Variants in ROBO1 observed in about 807,000 individuals in gnomAD.
ROBO1 encodes roundabout homolog 1.
Under a neutral mutation model 195.9 loss-of-function variants are expected in ROBO1, and 149 were observed. That is an observed-to-expected ratio of 0.76 (90% CI 0.67 to 0.87). The LOEUF is 0.87. Among genes scored for constraint, ROBO1 ranks in the 40% least tolerant of loss-of-function variants. ROBO1 has a pLI of 0.00. For missense variants in ROBO1, 1,933 were observed against 2,068.3 expected, an observed-to-expected ratio of 0.93 and a Z score of 1.27; for synonymous variants, 816 against 733.2, an observed-to-expected ratio of 1.11 and a Z score of -1.82.
At position 79,384,750 on chromosome 3, in the gene ROBO1, G is replaced by GCA. The variant is rs530276057; in HGVS notation, c.88+205072_88+205073dup. 4.6e-5 allele frequency among the ~76,000 whole-genome samples: 7 copies of GCA among 152,018 alleles called. No individual in the cohort carries two copies. In the East Asian group the frequency reaches 5.8e-4, roughly 13 times the overall value. On this transcript the variant is annotated intron_variant, in intron 2 of 30. Coordinates refer to ENST00000464233, the MANE Select transcript of ROBO1 (RefSeq NM_002941.4). ...GGAAGTTAAACGTATACACACATAA[G>GCA]CACACACACGTTTTTAAAAGTATCT...
intron 4 of ROBO1, among the ~76,000 whole-genome samples, chr3:78,816,305 C>T (rs2084901388): frequency 6.6e-6 from 1 of 151,986 alleles, no homozygotes; most frequent in Non-Finnish European, 1.5e-5. Flanking sequence ...TTGAGACCTA[C>T]TATGCAAAAA....
At chr3:78,884,653 AAGG>A (rs879569596) in intron 4 of ROBO1, among the ~76,000 whole-genome samples, 34,489 of 94,476 alleles carry the variant, frequency 0.37, 4,872 homozygotes, top group Middle Eastern at 0.41. Context: ...GAAAGAAAGG[AAGG>A]AAGGAAGGAA....
At chr3:79,417,740 T>C (rs2038063440) in intron 2 of ROBO1, among the ~76,000 whole-genome samples, 1 of 152,154 alleles carries the variant, frequency 6.6e-6, no homozygotes, top group Admixed American at 6.6e-5. Context: ...AATGTATTAT[T>C]ATGGGGGACA....
At chr3:78,650,382 C>G (rs1222205439) in intron 19 of ROBO1, among the ~76,000 whole-genome samples, 1 of 152,082 alleles carries the variant, frequency 6.6e-6, no homozygotes, top group East Asian at 1.9e-4. Flanking sequence ...AAAGCAAATG[C>G]ATGTACATGA....
At chr3:78,675,239 C>T (rs988477220) in intron 10 of ROBO1, among the ~76,000 whole-genome samples, 2 of 151,774 alleles carry the variant, frequency 1.3e-5, no homozygotes, top group East Asian at 1.9e-4. Flanking sequence ...GCGTGAGCGA[C>T]GCAGAAGATG....
intron 3 of ROBO1, among the ~76,000 whole-genome samples, chr3:79,046,803 C>T (rs2078602996): frequency 6.6e-6 from 1 of 152,126 alleles, no homozygotes; most frequent in South Asian, 2.1e-4. Context: ...TTGGCAACAC[C>T]CACACAGACA....
At chr3:79,575,440 CAAAT>C (rs1192628984) in intron 2 of ROBO1, among the ~76,000 whole-genome samples, 1 of 112,138 alleles carries the variant, frequency 8.9e-6, no homozygotes, top group Non-Finnish European at 1.8e-5. Flanking sequence ...ATATATATAA[CAAAT>C]ATATATAAAT....
intron 2 of ROBO1, among the ~76,000 whole-genome samples, chr3:79,485,031 C>A (rs886995473): frequency 6.6e-6 from 1 of 151,878 alleles, no homozygotes; most frequent in Non-Finnish European, 1.5e-5. Flanking sequence ...GGATTACAGG[C>A]GTGAGCCACC....
intron 4 of ROBO1, among the ~76,000 whole-genome samples, chr3:78,800,997 T>TAGG (rs2084353628): frequency 6.6e-6 from 1 of 152,194 alleles, no homozygotes. Flanking sequence ...CAGGCTGAAT[T>TAGG]CCACACCACT....
intron 2 of ROBO1, among the ~76,000 whole-genome samples, chr3:79,416,687 G>C (rs1048339676): frequency 1.3e-5 from 2 of 151,894 alleles, no homozygotes; most frequent in Admixed American, 6.6e-5. Flanking sequence ...TGTTGCTTTG[G>C]TTGGAAAAGA....
intron 14 of ROBO1, among the ~76,000 whole-genome samples, chr3:78,663,150 ATCTTGGGT>A (rs1707528989): frequency 2.0e-5 from 3 of 151,872 alleles, no homozygotes; most frequent in Admixed American, 6.6e-5. Context: ...CAAACAATTG[ATCTTGGGT>A]AGAAAGCAAA....
chr3:79,348,947 A>T (rs2109256340), intron 2 of ROBO1, among the ~76,000 whole-genome samples: 1 of 152,336 alleles, frequency 6.6e-6, no homozygotes, highest in Non-Finnish European at 1.5e-5. Flanking sequence ...AATCAATTGA[A>T]TCTAAATATT....
chr3:78,859,891 T>C (rs939760368), intron 4 of ROBO1, among the ~76,000 whole-genome samples: 12 of 152,030 alleles, frequency 7.9e-5, no homozygotes, highest in Non-Finnish European at 1.3e-4. Context: ...CCATCCTGGC[T>C]AACACGGTGA....
At chr3:78,995,811 A>G (rs1193145611) in intron 3 of ROBO1, among the ~76,000 whole-genome samples, 1 of 151,952 alleles carries the variant, frequency 6.6e-6, no homozygotes, top group Non-Finnish European at 1.5e-5. Context: ...AATAAAAAAA[A>G]GTCCTTACTA....
chr3:78,973,404 CAT>C (rs10575015), intron 3 of ROBO1, among the ~76,000 whole-genome samples: 21,688 of 141,992 alleles, frequency 0.15, 2,475 homozygotes, highest in African/African-American at 0.33. Context: ...ATATACCTTT[CAT>C]ATATATATAT....
intron 1 of ROBO1, among the ~76,000 whole-genome samples, chr3:79,612,375 C>T (rs1944687939): frequency 6.8e-6 from 1 of 147,286 alleles, no homozygotes; most frequent in African/African-American, 2.5e-5. Context: ...TTTTTTATGG[C>T]TGCATAGTAT....
intron 4 of ROBO1, among the ~76,000 whole-genome samples, chr3:78,917,531 T>C (rs919047334): frequency 6.6e-6 from 1 of 152,182 alleles, no homozygotes; most frequent in Non-Finnish European, 1.5e-5. Flanking sequence ...TTGTTGAACA[T>C]GGTAAACTCA....
intron 5 of ROBO1, among the ~76,000 whole-genome samples, chr3:78,745,574 TC>T (rs2082637732): frequency 6.6e-6 from 1 of 152,160 alleles, no homozygotes; most frequent in East Asian, 1.9e-4. Context: ...GCTCTATTTC[TC>T]CCATGCTCTT....
At chr3:79,720,017 G>A (rs1702636341) in intron 1 of ROBO1, among the ~76,000 whole-genome samples, 1 of 152,132 alleles carries the variant, frequency 6.6e-6, no homozygotes, top group Non-Finnish European at 1.5e-5. Flanking sequence ...ACATTGCAAA[G>A]AAAACTGTAT....
Sources: gnomAD v4.1 joint callset for allele counts (sites outside exome capture counted in the v4.1 genomes callset) on GRCh38, gnomAD v4.1.1 for gene constraint, MANE v1.5 for transcripts, NCBI Gene and HGNC (gene_info 2026-07-23, HGNC 2026-07-21) for gene names.